The following PDSS2 variants were observed in gnomAD, a reference collection of about 807,000 sequenced individuals.
PDSS2 encodes the protein decaprenyl diphosphate synthase subunit 2, also known as all trans-polyprenyl-diphosphate synthase PDSS2.
A neutral mutation model predicts 44.5 loss-of-function variants in PDSS2; 31 were observed. That is an observed-to-expected ratio of 0.70 (90% confidence interval 0.52 to 0.94). The LOEUF (loss-of-function observed/expected upper bound fraction) is 0.94, where lower values mean the gene tolerates loss of function less well. Among genes scored for constraint, PDSS2 ranks in the 40% least tolerant of loss-of-function variants. The pLI, the probability that PDSS2 is intolerant of heterozygous loss-of-function variation, is 0.00. For missense variants in PDSS2, 452 were observed against 482.2 expected, an observed-to-expected ratio of 0.94 and a Z score of 0.59; for synonymous variants, 157 against 180.3, an observed-to-expected ratio of 0.87 and a Z score of 1.03.
At chr6:107,319,379 A>G (rs1034777646) in intron 2 of PDSS2, among the ~76,000 whole-genome samples, 3 of 152,150 alleles carry the variant, frequency 2.0e-5, no homozygotes, top group African/African-American at 7.2e-5. Flanking sequence ...AAGGTACAGT[A>G]CCTAAAAACC....
intron 2 of PDSS2, among the ~76,000 whole-genome samples, chr6:107,306,526 C>T (rs762118211): frequency 6.6e-5 from 10 of 152,086 alleles, no homozygotes; most frequent in Non-Finnish European, 1.0e-4. Flanking sequence ...AGCATGAAAA[C>T]GGACTAATAC....
chr6:107,376,476 A>C (rs1779289461), intron 1 of PDSS2, among the ~76,000 whole-genome samples: 1 of 152,122 alleles, frequency 6.6e-6, no homozygotes, highest in Non-Finnish European at 1.5e-5. Flanking sequence ...GAGGTCCTTC[A>C]CGTCCCTTGT....
intron 1 of PDSS2, among the ~76,000 whole-genome samples, chr6:107,455,153 T>C (rs1179708781): frequency 6.6e-6 from 1 of 150,906 alleles, no homozygotes; most frequent in African/African-American, 2.4e-5. Context: ...TGTACTATAG[T>C]ACTACAAGGC....
At chr6:107,458,836 G>A (rs1450773555) in intron 1 of PDSS2, among the ~76,000 whole-genome samples, 154 bp downstream of exon 1, 1 of 152,126 alleles carries the variant, frequency 6.6e-6, no homozygotes, top group African/African-American at 2.4e-5. Flanking sequence ...CTAGAGAAGA[G>A]ACAACACGGA....
Position 107,403,446 on chromosome 6 carries a change from G to T in PDSS2, c.296+55544C>A, listed in dbSNP as rs183140637. Among the ~76,000 whole-genome samples, 152 of 152,336 alleles carry T rather than the reference G, an allele frequency of 1.0e-3. 4 individuals are homozygous for T. Among genetic ancestry groups the T allele is most frequent in the Admixed American group, 9.9e-3 (151 of 15,304 alleles). ...AGTTGTCAATGGATCTACCATTCTG[G>T]TGTCTAGAGGATGGTGACCCTCTTC... On this transcript the variant is annotated intron_variant, in intron 1 of 7. Coordinates refer to ENST00000369037, the MANE Select transcript of PDSS2 (RefSeq NM_020381.4).
chr6:107,232,770 A>C (rs751190987), intron 4 of PDSS2, among the ~76,000 whole-genome samples: 1 of 152,214 alleles, frequency 6.6e-6, no homozygotes, highest in Non-Finnish European at 1.5e-5. Context: ...TTAAATGAAT[A>C]AACAAATCTG....
At chr6:107,248,175 T>A (rs906498484) in intron 3 of PDSS2, among the ~76,000 whole-genome samples, 2 of 152,178 alleles carry the variant, frequency 1.3e-5, no homozygotes, top group South Asian at 4.1e-4. Context: ...ATTCACCTGT[T>A]TAGATACTGC....
intron 1 of PDSS2, among the ~76,000 whole-genome samples, chr6:107,395,081 C>CA (rs1554275762): frequency 6.6e-6 from 1 of 151,716 alleles, no homozygotes; most frequent in Non-Finnish European, 1.5e-5. Context: ...AGGTTGACAG[C>CA]TTTGTTTTTC....
At chr6:107,245,791 G>C (rs2114806065) in intron 3 of PDSS2, among the ~76,000 whole-genome samples, 172 bp from the exon 4 acceptor site, 1 of 152,192 alleles carries the variant, frequency 6.6e-6, no homozygotes, top group Non-Finnish European at 1.5e-5. Flanking sequence ...GGATATTAAA[G>C]CTGTGATCCA....
intron 2 of PDSS2, among the ~76,000 whole-genome samples, chr6:107,302,972 T>A (rs1776744751): frequency 6.6e-6 from 1 of 152,206 alleles, no homozygotes; most frequent in African/African-American, 2.4e-5. Context: ...ATTTTTAGTG[T>A]GGCTACTAGC....
chr6:107,341,925 AAT>A (rs1446693990), intron 1 of PDSS2, among the ~76,000 whole-genome samples: 2 of 152,192 alleles, frequency 1.3e-5, no homozygotes, highest in African/African-American at 4.8e-5. Context: ...GGTAACTAGT[AAT>A]ATCCCTTTAC....
intron 7 of PDSS2, among the ~76,000 whole-genome samples, chr6:107,168,368 GTC>G (rs2114351718): frequency 6.6e-6 from 1 of 152,266 alleles, no homozygotes; most frequent in South Asian, 2.1e-4. Context: ...GTCCATGTGT[GTC>G]TCTGCATGTG....
chr6:107,215,902 A>G (rs907728864), intron 4 of PDSS2, among the ~76,000 whole-genome samples: 5 of 151,982 alleles, frequency 3.3e-5, no homozygotes, highest in Non-Finnish European at 7.4e-5. Flanking sequence ...TTTGGGAGGC[A>G]GAGGTGGGCA....
intron 4 of PDSS2, among the ~76,000 whole-genome samples, chr6:107,245,142 A>G (rs1298634901): frequency 6.6e-6 from 1 of 152,070 alleles, no homozygotes; most frequent in Non-Finnish European, 1.5e-5. Flanking sequence ...CACCTCCCCA[A>G]CAGTCATCTT....
chr6:107,419,909 T>G (rs1410554526), intron 1 of PDSS2, among the ~76,000 whole-genome samples: 1 of 152,220 alleles, frequency 6.6e-6, no homozygotes, highest in Admixed American at 6.5e-5. Context: ...ACTGTAACTC[T>G]GCCACATGTA....
chr6:107,218,731 T>C (rs1001620082), intron 4 of PDSS2, among the ~76,000 whole-genome samples: 6 of 152,188 alleles, frequency 3.9e-5, no homozygotes, highest in Non-Finnish European at 7.4e-5. Context: ...TTCCTCTATC[T>C]TTCCTAACTT....
intron 2 of PDSS2, among the ~76,000 whole-genome samples, chr6:107,306,082 G>A (rs1311933392): frequency 2.6e-5 from 4 of 152,178 alleles, no homozygotes; most frequent in African/African-American, 7.2e-5. Flanking sequence ...CCATATGGGT[G>A]ACAGAAGTAC....
intron 3 of PDSS2, among the ~76,000 whole-genome samples, chr6:107,257,948 T>C (rs1372983484): frequency 3.9e-5 from 6 of 152,202 alleles, no homozygotes; most frequent in African/African-American, 7.2e-5. Flanking sequence ...TTTCTCATGC[T>C]TCATGCAATG....
chr6:107,295,373 T>C (rs1235657922), intron 2 of PDSS2, among the ~76,000 whole-genome samples: 2 of 152,116 alleles, frequency 1.3e-5, no homozygotes, highest in African/African-American at 4.8e-5. Context: ...AAAATAAAAA[T>C]GTAATCATTT....
Sources: gnomAD v4.1 joint callset for allele counts (sites outside exome capture counted in the v4.1 genomes callset) on GRCh38, gnomAD v4.1.1 for gene constraint, MANE v1.5 for transcripts, NCBI Gene and HGNC (gene_info 2026-07-23, HGNC 2026-07-21) for gene names.